Variants in ANP32A observed in about 807,000 individuals in gnomAD.
ANP32A encodes acidic leucine-rich nuclear phosphoprotein 32 family member A.
A neutral mutation model predicts 33.9 loss-of-function variants in ANP32A; 1 was observed. The observed-to-expected ratio is 0.03, with a 90% CI of 0.01 to 0.14. The LOEUF is 0.14. Ranked by LOEUF, ANP32A falls within the 10% of genes least tolerant of loss-of-function variation. The probability of loss-of-function intolerance (pLI) is 1.00; values close to 1 mark genes in which losing one functional copy is unlikely to be tolerated. For missense variants in ANP32A, 155 were observed against 306.0 expected (o/e 0.51, Z 3.68); for synonymous variants, 115 against 120.5 (o/e 0.95, Z 0.30).
Position 68,779,519 on chromosome 15 carries a change from A to C in ANP32A, c.*562T>G, listed in dbSNP as rs1476239143. On this transcript the variant is annotated 3_prime_UTR_variant, in exon 7 of 7. Coordinates refer to ENST00000465139, the MANE Select transcript of ANP32A (RefSeq NM_006305.4). Reference sequence around the variant, plus strand: ...CATCTGTGAAGGGGGAAAAGGGATGAGAGATGGGGAATGTCCCCAGACCAG... The same window carrying C: ...CATCTGTGAAGGGGGAAAAGGGATGCGAGATGGGGAATGTCCCCAGACCAG... 2 of 152,538 alleles carry C rather than the reference A, an allele frequency of 1.3e-5. No individual in the cohort carries two copies. Among genetic ancestry groups the C allele is most frequent in the Non-Finnish European group, 1.5e-5 (1 of 68,190 alleles). The allele number at this position is 152,538 out of a possible 1,614,324, so 9.4% of individuals were successfully genotyped here.
At chr15:68,783,582 C>T (rs970471232) in intron 4 of ANP32A, among the ~76,000 whole-genome samples, 1 of 152,168 alleles carries the variant, frequency 6.6e-6, no homozygotes, top group African/African-American at 2.4e-5. Flanking sequence ...CCCAATTGAA[C>T]AAAGAAAACC....
At chr15:68,816,603 C>T (rs1894385587) in intron 1 of ANP32A, among the ~76,000 whole-genome samples, 1 of 152,144 alleles carries the variant, frequency 6.6e-6, no homozygotes, top group Non-Finnish European at 1.5e-5. Context: ...ATATAGACAG[C>T]ATATACTGAG....
intron 1 of ANP32A, among the ~76,000 whole-genome samples, chr15:68,801,219 GAA>G (rs745414575): frequency 9.0e-6 from 1 of 111,170 alleles, no homozygotes; most frequent in Non-Finnish European, 1.9e-5. Context: ...AGAAGAAGAA[GAA>G]AAAAAAAAAA....
intron 1 of ANP32A, among the ~76,000 whole-genome samples, chr15:68,793,070 A>C (rs761957020): frequency 9.2e-5 from 14 of 152,254 alleles, no homozygotes; most frequent in African/African-American, 3.1e-4. Flanking sequence ...AGCTCTGTGC[A>C]TCCTGGGGCA....
intron 3 of ANP32A, among the ~76,000 whole-genome samples, chr15:68,786,252 CTTTTTT>C (rs558065991): frequency 0.096 from 8,671 of 90,370 alleles, 323 homozygotes; most frequent in East Asian, 0.31. Context: ...GCTGCTGCTG[CTTTTTT>C]TTTTTTTTTT....
chr15:68,819,745 G>A (rs1894444916), intron 1 of ANP32A, among the ~76,000 whole-genome samples: 1 of 152,336 alleles, frequency 6.6e-6, no homozygotes, highest in Middle Eastern at 3.4e-3. Flanking sequence ...TGGGGCGAGG[G>A]GGCACCGGGA....
intron 4 of ANP32A, among the ~76,000 whole-genome samples, chr15:68,783,974 CCCCT>C (rs1333960299): frequency 6.6e-6 from 1 of 152,122 alleles, no homozygotes; most frequent in Non-Finnish European, 1.5e-5. Context: ...CTCTCTCTAT[CCCCT>C]CCCTCCCTCC....
At chr15:68,807,886 A>G (rs1479996529) in intron 1 of ANP32A, among the ~76,000 whole-genome samples, 1 of 152,190 alleles carries the variant, frequency 6.6e-6, no homozygotes, top group Non-Finnish European at 1.5e-5. Context: ...AGAGCTGGAC[A>G]TGAAGGATGG....
At chr15:68,788,025 G>A in intron 1 of ANP32A, 106 bp from the exon 2 acceptor site, 2 of 1,361,598 alleles carry the variant, frequency 1.5e-6, no homozygotes, top group Non-Finnish European at 2.1e-6. Flanking sequence ...GCAGGAAGCA[G>A]TCAGTCACTC....
rs139151553 is a variant in ANP32A at position 68,803,357 on chromosome 15, G to A, written c.55-15438C>T. On this transcript the variant is annotated intron_variant, in intron 1 of 6. Coordinates refer to ENST00000465139, the MANE Select transcript of ANP32A (RefSeq NM_006305.4). ...AGAATGGGTCTTAGTGATGGCAGCA[G>A]CAAGGTGTTCCAGGCAAAGGCACTG... 4.4e-3 allele frequency among the ~76,000 whole-genome samples: 667 copies of A among 152,348 alleles called. 2 individuals are homozygous for A. Among genetic ancestry groups the A allele is most frequent in the Middle Eastern group, 0.01 (3 of 294 alleles).
chr15:68,818,972 G>T (rs1208545596), intron 1 of ANP32A, among the ~76,000 whole-genome samples: 1 of 152,042 alleles, frequency 6.6e-6, no homozygotes, highest in Non-Finnish European at 1.5e-5. Context: ...TCCCGCGGCC[G>T]CCCCCTCCCC....
At chr15:68,804,199 A>C (rs116945256) in intron 1 of ANP32A, among the ~76,000 whole-genome samples, 13 of 152,376 alleles carry the variant, frequency 8.5e-5, no homozygotes, top group South Asian at 4.1e-4. Context: ...AAGAGAAAGT[A>C]AAGTCAAGTC....
At chr15:68,815,199 T>C (rs1376854805) in intron 1 of ANP32A, among the ~76,000 whole-genome samples, 1 of 152,148 alleles carries the variant, frequency 6.6e-6, no homozygotes, top group Non-Finnish European at 1.5e-5. Flanking sequence ...GCCATTTGCT[T>C]AAACAAAGCA....
At chr15:68,787,065 A>G in intron 3 of ANP32A, 1 of 247,034 alleles carries the variant, frequency 4.0e-6, no homozygotes, top group Non-Finnish European at 8.0e-6. Flanking sequence ...CCTTCCCAAA[A>G]AGGGGCAACA....
At chr15:68,786,724 T>C (rs924142996) in intron 3 of ANP32A, among the ~76,000 whole-genome samples, 3 of 152,210 alleles carry the variant, frequency 2.0e-5, no homozygotes, top group Admixed American at 6.5e-5. Flanking sequence ...GAAAGTGTTG[T>C]TCTGAACATG....
intron 1 of ANP32A, among the ~76,000 whole-genome samples, chr15:68,799,995 G>C (rs1402706678): frequency 6.6e-6 from 1 of 152,172 alleles, no homozygotes; most frequent in East Asian, 1.9e-4. Flanking sequence ...AAGGTCTCTA[G>C]ATCATTATGG....
At chr15:68,805,079 T>G (rs1335405371) in intron 1 of ANP32A, among the ~76,000 whole-genome samples, 1 of 152,144 alleles carries the variant, frequency 6.6e-6, no homozygotes, top group Non-Finnish European at 1.5e-5. Context: ...AAATAAACCC[T>G]GGGGGCCCTG....
At chr15:68,802,973 G>A (rs565132788) in intron 1 of ANP32A, among the ~76,000 whole-genome samples, 3 of 152,222 alleles carry the variant, frequency 2.0e-5, no homozygotes, top group East Asian at 1.9e-4. Flanking sequence ...ACTATCTAAT[G>A]TCTAAGTTAC....
intron 1 of ANP32A, among the ~76,000 whole-genome samples, chr15:68,800,949 T>C (rs934149997): frequency 2.7e-5 from 4 of 150,402 alleles, no homozygotes; most frequent in Admixed American, 1.3e-4. Context: ...CTTGGCCTTA[T>C]TGGGGAACAG....
Sources: gnomAD v4.1 joint callset for allele counts (sites outside exome capture counted in the v4.1 genomes callset) on GRCh38, gnomAD v4.1.1 for gene constraint, MANE v1.5 for transcripts, NCBI Gene and HGNC (gene_info 2026-07-23, HGNC 2026-07-21) for gene names.